TSC22D2: variants seen among roughly 807,000 people sequenced by gnomAD.
TSC22D2 encodes the protein TSC22 domain family member 2, also known as TSC22 domain family protein 2.
TSC22D2 carries 5 observed loss-of-function variants against 50.1 expected under a neutral mutation model. That is an observed-to-expected ratio of 0.10 (90% CI 0.05 to 0.21). The LOEUF (loss-of-function observed/expected upper bound fraction) is 0.21. Among genes scored for constraint, TSC22D2 ranks in the 10% least tolerant of loss-of-function variants. The pLI is 1.00. For synonymous variants in TSC22D2, 501 were observed against 450.1 expected (o/e 1.11, Z -1.43); for missense variants, 1,003 against 1,015.5 (o/e 0.99, Z 0.17).
intron 1 of TSC22D2, among the ~76,000 whole-genome samples, chr3:150,452,605 G>C (rs550064871): frequency 6.6e-6 from 1 of 152,278 alleles, no homozygotes; most frequent in South Asian, 2.1e-4. Flanking sequence ...GAAAAGCTGT[G>C]GTGGAGAGCC....
Position 150,408,852 on chromosome 3 carries a change from G to C in TSC22D2, c.-499G>C, listed in dbSNP as rs540246575. The C allele has an allele frequency of 2.6e-5, 4 of 153,782 alleles. 1 individual carries two copies. The South Asian group carries it at 5.8e-4, about 22-fold the overall frequency. 9.5% of individuals were successfully genotyped at this position (153,782 alleles called of 1,614,324 possible). On this transcript the variant is annotated 5_prime_UTR_variant, in exon 1 of 3. Transcript: ENST00000688009. ...AGTCAGAGAGCCCAGCGCTGACGCC[G>C]GCACCGGCCTGAGGAGCCCGAGCGG...
At chr3:150,452,661 C>T (rs1721079527) in intron 1 of TSC22D2, among the ~76,000 whole-genome samples, 1 of 152,142 alleles carries the variant, frequency 6.6e-6, no homozygotes, top group Admixed American at 6.5e-5. Flanking sequence ...GCCAACCTGC[C>T]TTACTGTAGC....
intron 1 of TSC22D2, among the ~76,000 whole-genome samples, chr3:150,424,762 G>T (rs1720125294): frequency 6.6e-6 from 1 of 152,150 alleles, no homozygotes; most frequent in Admixed American, 6.6e-5. Context: ...GTGGATATTT[G>T]TCTGTAGTGT....
intron 1 of TSC22D2, among the ~76,000 whole-genome samples, chr3:150,452,077 A>T (rs1295969388): frequency 6.6e-6 from 1 of 152,024 alleles, no homozygotes; most frequent in Non-Finnish European, 1.5e-5. Context: ...TTTTTATTTT[A>T]AATAAGTAGT....
chr3:150,422,505 A>G (rs1720042691), intron 1 of TSC22D2, among the ~76,000 whole-genome samples: 1 of 152,038 alleles, frequency 6.6e-6, no homozygotes, highest in South Asian at 2.1e-4. Context: ...CTAGACGAGG[A>G]AAAAACACAT....
In TSC22D2 at chr3:150,435,008, T is replaced by G. The variant is rs148678566; in HGVS notation, c.1959-22068T>G. Reference sequence around the variant, plus strand: ...ATTTATTTATTTTGAGATGGAGTCTTGCTCTGTCACCCAAGCTGGAGTGCA... The same window carrying G: ...ATTTATTTATTTTGAGATGGAGTCTGGCTCTGTCACCCAAGCTGGAGTGCA... On this transcript the variant is annotated intron_variant, in intron 1 of 2. Transcript: ENST00000688009. Among the ~76,000 whole-genome samples, 81 of 152,256 alleles carry G rather than the reference T, an allele frequency of 5.3e-4. No individual in the cohort carries two copies. The East Asian group carries it at 9.8e-3, about 19-fold the overall frequency.
rs546637986 is a variant in TSC22D2, at chr3:150,435,070, C to T, written c.1959-22006C>T. On this transcript the variant is annotated intron_variant, in intron 1 of 2. Transcript: ENST00000688009. ...TCGGCTCACTGCAACCTCTGCCTCC[C>T]GGGTTCAAGCAATTCTCCTACCTCA... Among the ~76,000 whole-genome samples the T allele has an allele frequency of 3.9e-5, 6 of 152,156 alleles. No homozygotes were observed. In the East Asian group the frequency reaches 5.8e-4, roughly 15 times the overall value.
chr3:150,425,140 G>T (rs979779127), intron 1 of TSC22D2, among the ~76,000 whole-genome samples: 4 of 151,992 alleles, frequency 2.6e-5, no homozygotes, highest in Non-Finnish European at 4.4e-5. Context: ...AAATCACATT[G>T]TTCATTTTTA....
chr3:150,438,914 T>A (rs1720631810), intron 1 of TSC22D2, among the ~76,000 whole-genome samples: 1 of 152,182 alleles, frequency 6.6e-6, no homozygotes, highest in Non-Finnish European at 1.5e-5. Context: ...GCACATTTTT[T>A]ATATTCCCCG....
intron 1 of TSC22D2, among the ~76,000 whole-genome samples, chr3:150,416,615 T>C (rs1324269729): frequency 6.6e-6 from 1 of 152,110 alleles, no homozygotes; most frequent in Admixed American, 6.5e-5. Flanking sequence ...ATCAAATTAC[T>C]CGATATTTGT....
chr3:150,457,216 T>C, intron 2 of TSC22D2, 89 bp downstream of exon 2: 6 of 1,224,544 alleles, frequency 4.9e-6, no homozygotes, highest in East Asian at 2.4e-5. Context: ...ACAAATAAGT[T>C]ATTTAAACCA....
intron 2 of TSC22D2, among the ~76,000 whole-genome samples, chr3:150,457,963 C>A (rs916918836): frequency 6.6e-6 from 1 of 152,174 alleles, no homozygotes; most frequent in South Asian, 2.1e-4. Flanking sequence ...TTTAAAAATA[C>A]CAAAATTTTA....
intron 1 of TSC22D2, among the ~76,000 whole-genome samples, chr3:150,446,356 A>T (rs903302841): frequency 6.6e-6 from 1 of 152,112 alleles, no homozygotes; most frequent in Non-Finnish European, 1.5e-5. Context: ...GAAAGTGAAA[A>T]ATGTAATCCT....
intron 1 of TSC22D2, among the ~76,000 whole-genome samples, chr3:150,449,195 A>G (rs1056973081): frequency 6.6e-6 from 1 of 152,188 alleles, no homozygotes; most frequent in Non-Finnish European, 1.5e-5. Flanking sequence ...TAGAGAAAAT[A>G]GAGTTGGCAC....
At chr3:150,421,620 C>G (rs149121628) in intron 1 of TSC22D2, among the ~76,000 whole-genome samples, 3 of 152,154 alleles carry the variant, frequency 2.0e-5, no homozygotes, top group East Asian at 3.9e-4. Context: ...ATGAGAAATA[C>G]ACGTATTAGT....
chr3:150,438,062 C>G (rs1234295029), intron 1 of TSC22D2: 1 of 229,672 alleles, frequency 4.4e-6, no homozygotes, highest in Non-Finnish European at 9.3e-6. Flanking sequence ...TTTTCCAGAT[C>G]AAATATGAAA....
chr3:150,440,980 A>G (rs1229017282), intron 1 of TSC22D2, among the ~76,000 whole-genome samples: 1 of 151,314 alleles, frequency 6.6e-6, no homozygotes, highest in African/African-American at 2.4e-5. Flanking sequence ...ACGATTAAAA[A>G]TGCACAAACA....
intron 1 of TSC22D2, among the ~76,000 whole-genome samples, chr3:150,424,476 A>G (rs1056057068): frequency 1.3e-5 from 2 of 152,104 alleles, no homozygotes; most frequent in Non-Finnish European, 2.9e-5. Context: ...GATATATATT[A>G]TTTTTATCAG....
intron 1 of TSC22D2, among the ~76,000 whole-genome samples, chr3:150,423,835 G>T (rs1720089429): frequency 6.6e-6 from 1 of 152,140 alleles, no homozygotes; most frequent in African/African-American, 2.4e-5. Flanking sequence ...CCATCACTTT[G>T]TGTTTAATTA....
Sources: allele counts gnomAD v4.1 joint callset (sites outside exome capture counted in the v4.1 genomes callset), GRCh38; gene constraint gnomAD v4.1.1; transcripts MANE v1.5; gene names NCBI Gene and HGNC (gene_info 2026-07-23, HGNC 2026-07-21).